ITPRID1: variants seen among roughly 807,000 people sequenced by gnomAD.
ITPRID1 encodes ITPR interacting domain containing 1, also known as protein ITPRID1.
ITPRID1 carries 96 observed loss-of-function variants against 95.4 expected under a neutral mutation model. That is an observed-to-expected ratio of 1.01 (90% CI 0.85 to 1.19). The LOEUF is 1.19. ITPRID1 is among the 50% of genes most tolerant of loss of function. The pLI is 0.00. For synonymous variants in ITPRID1, 510 were observed against 453.6 expected (o/e 1.12, Z -1.58); for missense variants, 1,339 against 1,252.9 (o/e 1.07, Z -1.04).
In ITPRID1 at chr7:31,578,013, G is replaced by A. The variant is rs201901788; in HGVS notation, c.749G>A (p.Arg250Gln). Residue 250 changes from arginine (R) to glutamine (Q), a missense_variant, in exon 9 of 15, where the codon CGA becomes CAA. Arg to Gln is a conservative substitution (Grantham distance 43, BLOSUM62 1). Transcript: ENST00000615280. ...TCAGTGAGTGCCGCCAAAGAGCATC[G>A]AAGAAGAATGGGTAAACTCTTAAGG... is the stretch of plus-strand genomic sequence containing the variant. ...RTSVSAAKEH[R>Q]RRMGKLLRRA... The A allele has an allele frequency of 2.8e-4, 452 of 1,613,802 alleles. 1 individual carries two copies. In the African/African-American group the frequency reaches 3.6e-3, roughly 13 times the overall value.
chr7:31,536,140 G>C (rs1391847281), intron 1 of ITPRID1, among the ~76,000 whole-genome samples: 1 of 151,954 alleles, frequency 6.6e-6, no homozygotes, highest in Non-Finnish European at 1.5e-5. Flanking sequence ...TATAGATCTT[G>C]GATGTTAGGT....
At chr7:31,569,384 C>T (rs1784904878) in intron 5 of ITPRID1, among the ~76,000 whole-genome samples, 1 of 152,134 alleles carries the variant, frequency 6.6e-6, no homozygotes, top group Non-Finnish European at 1.5e-5. Context: ...CTCTGCTTTG[C>T]ACTTTCTGTA....
At chr7:31,644,360 G>A (rs1435892241) in intron 12 of ITPRID1, among the ~76,000 whole-genome samples, 1 of 152,090 alleles carries the variant, frequency 6.6e-6, no homozygotes, top group African/African-American at 2.4e-5. Context: ...TGTAAAATAG[G>A]GAGACTATTC....
chr7:31,630,807 T>C (rs1583657471), intron 10 of ITPRID1, among the ~76,000 whole-genome samples: 3 of 151,894 alleles, frequency 2.0e-5, no homozygotes, highest in Admixed American at 2.0e-4. Context: ...GCAAAATGAA[T>C]GGGCAAAATA....
At chr7:31,552,381 T>G (rs142361013) in intron 2 of ITPRID1, among the ~76,000 whole-genome samples, 2 of 109,324 alleles carry the variant, frequency 1.8e-5, no homozygotes, top group Admixed American at 9.2e-5. Context: ...ACAATTATAT[T>G]ACTTCCTTCA....
intron 1 of ITPRID1, chr7:31,529,527 C>G (rs1219431886): frequency 1.1e-5 from 5 of 454,206 alleles, no homozygotes; most frequent in African/African-American, 2.0e-5. Context: ...TTCCTAATGA[C>G]ATTTTTACCA....
At chr7:31,608,900 CTTAAT>C (rs1447703018) in intron 10 of ITPRID1, among the ~76,000 whole-genome samples, 1 of 151,336 alleles carries the variant, frequency 6.6e-6, no homozygotes, top group African/African-American at 2.4e-5. Context: ...TTATTTTCTT[CTTAAT>C]TTTATGGGGA....
At chr7:31,631,023 A>G (rs772043399) in intron 10 of ITPRID1, among the ~76,000 whole-genome samples, 1 of 152,214 alleles carries the variant, frequency 6.6e-6, no homozygotes, top group African/African-American at 2.4e-5. Flanking sequence ...TATTAACTCA[A>G]GAAGTAGGTA....
chr7:31,600,966 G>T (rs1174192984), intron 10 of ITPRID1, among the ~76,000 whole-genome samples: 1 of 152,118 alleles, frequency 6.6e-6, no homozygotes, highest in African/African-American at 2.4e-5. Context: ...CTAGTGGGTT[G>T]GGGGAGAGCC....
chr7:31,532,293 TTTG>T (rs759250731), intron 1 of ITPRID1, among the ~76,000 whole-genome samples: 13 of 152,330 alleles, frequency 8.5e-5, no homozygotes, highest in South Asian at 8.3e-4. Flanking sequence ...TTCTTTTCTG[TTTG>T]TTATGTTGCC....
intron 10 of ITPRID1, among the ~76,000 whole-genome samples, chr7:31,611,824 G>A (rs748367217): frequency 3.3e-5 from 5 of 151,940 alleles, no homozygotes; most frequent in Non-Finnish European, 7.4e-5. Context: ...ATGTGTCTGA[G>A]TGTGTATTTC....
chr7:31,556,813 TTGG>T (rs979589847), intron 5 of ITPRID1, among the ~76,000 whole-genome samples: 3 of 152,062 alleles, frequency 2.0e-5, no homozygotes, highest in East Asian at 1.9e-4. Flanking sequence ...TATCACAAAC[TTGG>T]TGGTTTTAAG....
At chr7:31,538,037 G>T (rs1030385445) in intron 1 of ITPRID1, among the ~76,000 whole-genome samples, 2 of 152,252 alleles carry the variant, frequency 1.3e-5, no homozygotes, top group Non-Finnish European at 2.9e-5. Context: ...ATTATTGATG[G>T]CCATGTAGGT....
In ITPRID1 at chr7:31,554,905, A is replaced by T; in HGVS notation, c.256+4A>T. ...CAACAAGTCATTGACCGCACTGGTA[A>T]GACAAGAGAAGCAGTTATGCTTTGG... On this transcript the variant is annotated splice_donor_region_variant and intron_variant, in intron 5 of 14. Coordinates refer to ENST00000615280, the MANE Select transcript of ITPRID1 (RefSeq NM_001257967.3). The T allele has an allele frequency of 6.3e-7, 1 of 1,574,900 alleles. No homozygotes were observed. Among genetic ancestry groups the T allele is most frequent in the Non-Finnish European group, 8.6e-7 (1 of 1,156,408 alleles).
chr7:31,585,136 A>G (rs1785542249), intron 10 of ITPRID1, among the ~76,000 whole-genome samples: 3 of 152,228 alleles, frequency 2.0e-5, no homozygotes, highest in Non-Finnish European at 2.9e-5. Flanking sequence ...ATCTGATGCA[A>G]CTACATGAGA....
At position 31,519,614 on chromosome 7, in the gene ITPRID1, CTCTCTCTATA is replaced by C. The variant is rs1197389547; in HGVS notation, c.-98+5496_-98+5505del. Among the ~76,000 whole-genome samples, 32 of 43,164 alleles carry C rather than the reference CTCTCTCTATA, an allele frequency of 7.4e-4. No homozygotes were observed. The East Asian group carries it at 0.013, about 17-fold the overall frequency. The allele number at this position is 43,164 out of a possible 152,430, so 28.3% of individuals were successfully genotyped here. On this transcript the variant is annotated intron_variant, in intron 1 of 14. Transcript: ENST00000615280. ...TCTCTCTCTCTCTCTCTCTCTCTCT[CTCTCTCTATA>C]TATATATATATATATATATATAAAT...
chr7:31,547,588 A>C (rs1784142042), intron 1 of ITPRID1, among the ~76,000 whole-genome samples: 1 of 152,154 alleles, frequency 6.6e-6, no homozygotes, highest in Non-Finnish European at 1.5e-5. Flanking sequence ...TGGGGACTAT[A>C]GGAACTACAA....
chr7:31,630,258 A>AC (rs1020048830), intron 10 of ITPRID1, among the ~76,000 whole-genome samples: 1 of 151,608 alleles, frequency 6.6e-6, no homozygotes, highest in Non-Finnish European at 1.5e-5. Flanking sequence ...AAAAAAAAAA[A>AC]AAAACATTGA....
At chr7:31,542,268 G>A (rs534587509) in intron 1 of ITPRID1, among the ~76,000 whole-genome samples, 1 of 152,254 alleles carries the variant, frequency 6.6e-6, no homozygotes, top group Non-Finnish European at 1.5e-5. Context: ...CATTCCATGT[G>A]TCCTAGGTCT....
Sources: gnomAD v4.1 joint callset for allele counts (sites outside exome capture counted in the v4.1 genomes callset) on GRCh38, gnomAD v4.1.1 for gene constraint, MANE v1.5 for transcripts, NCBI Gene and HGNC (gene_info 2026-07-23, HGNC 2026-07-21) for gene names.